Variants in CAMK2B observed in about 807,000 individuals in gnomAD.
The protein encoded by CAMK2B is calcium/calmodulin-dependent protein kinase type II subunit beta.
Under a neutral mutation model 93.7 loss-of-function variants are expected in CAMK2B, and 27 were observed. That is an observed-to-expected ratio of 0.29 (90% CI 0.21 to 0.40). The LOEUF is 0.40. CAMK2B is among the 10% of genes least tolerant of loss of function. The pLI is 1.00. For synonymous variants in CAMK2B, 374 were observed against 358.8 expected (o/e 1.04, Z -0.48); for missense variants, 568 against 895.8 (o/e 0.63, Z 4.67).
rs1283708169 is a variant in CAMK2B, at chr7:44,325,536, C to G, written c.-115G>C. On this transcript the variant is annotated 5_prime_UTR_variant, in exon 1 of 24. Coordinates refer to ENST00000395749, the MANE Select transcript of CAMK2B (RefSeq NM_001220.5). The stretch of plus-strand genomic sequence containing the variant: ...CGCGGGCGCGGGAGACACCTCGGCT[C>G]GCGGCGCCAGGCGGGGGCCGGGCTG... The G allele has an allele frequency of 2.1e-5, 11 of 514,198 alleles. No homozygotes were observed. The highest frequency in any genetic ancestry group is 2.0e-4 in the Admixed American group (3 of 15,264). The allele number at this position is 514,198 out of a possible 1,614,324, so 31.9% of individuals were successfully genotyped here.
chr7:44,277,500 C>A (rs73317752), intron 2 of CAMK2B, among the ~76,000 whole-genome samples: 3,524 of 152,298 alleles, frequency 0.023, 128 homozygotes, highest in African/African-American at 0.08. Flanking sequence ...ATGCTACCAG[C>A]CGCTTCTCAT....
At chr7:44,320,222 A>C (rs969136383) in intron 1 of CAMK2B, among the ~76,000 whole-genome samples, 1 of 152,182 alleles carries the variant, frequency 6.6e-6, no homozygotes, top group Non-Finnish European at 1.5e-5. Flanking sequence ...ACATCTTCAC[A>C]AAGGGGAACC....
chr7:44,256,459 C>A (rs2096834794), intron 4 of CAMK2B, among the ~76,000 whole-genome samples: 1 of 152,212 alleles, frequency 6.6e-6, no homozygotes, highest in South Asian at 2.1e-4. Context: ...AACTGTGTGC[C>A]TGTGTGTGCC....
chr7:44,245,125 C>G (rs62459103), intron 6 of CAMK2B: 1 of 367,120 alleles, frequency 2.7e-6, no homozygotes, highest in Non-Finnish European at 5.5e-6. Flanking sequence ...ACCAGCAGTT[C>G]TTCCGAAGAG....
At chr7:44,320,591 C>G (rs1469357636) in intron 1 of CAMK2B, among the ~76,000 whole-genome samples, 2 of 152,218 alleles carry the variant, frequency 1.3e-5, no homozygotes, top group African/African-American at 4.8e-5. Flanking sequence ...AAAGAAAAGT[C>G]CTGGTAGCAA....
intron 2 of CAMK2B, among the ~76,000 whole-genome samples, chr7:44,276,277 G>A (rs1210123949): frequency 6.6e-6 from 1 of 152,140 alleles, no homozygotes; most frequent in Non-Finnish European, 1.5e-5. Flanking sequence ...GCAATGCGGC[G>A]CCTTGTCCTC....
At chr7:44,300,030 G>C (rs1278251056) in intron 1 of CAMK2B, among the ~76,000 whole-genome samples, 1 of 150,952 alleles carries the variant, frequency 6.6e-6, no homozygotes, top group Non-Finnish European at 1.5e-5. Context: ...CTGTGTGTGT[G>C]TGTGTGTGTG....
chr7:44,299,840 A>C (rs780414562), intron 1 of CAMK2B, among the ~76,000 whole-genome samples: 26 of 152,232 alleles, frequency 1.7e-4, no homozygotes, highest in Admixed American at 7.2e-4. Flanking sequence ...AATGTTAGCC[A>C]TGATTATTTC....
rs190294355 is a variant in CAMK2B at position 44,297,200 on chromosome 7, C to A, written c.66-12975G>T. Among the ~76,000 whole-genome samples, 69 of 151,968 alleles carry A rather than the reference C, an allele frequency of 4.5e-4. No individual in the cohort carries two copies. In the East Asian group the frequency reaches 0.011, roughly 24 times the overall value. On this transcript the variant is annotated intron_variant, in intron 1 of 23. Transcript: ENST00000395749. ...GGTATTTGCATTACTTCACTACATG[C>A]GAAATGGTGTAGTGTTATTTGAGAG...
rs1295396023 is a variant in CAMK2B at position 44,226,604 on chromosome 7, G to T, written c.1509C>A (p.Gly503=). ...GGCCCTCGGCTTCTGGGGTCCCTGA[G>T]CCCCTCCTCACAGAGTTCAGGATGT... is the stretch of plus-strand genomic sequence containing the variant. ...ISDILNSVRR[G]SGTPEAEGPS... The change falls in exon 20 of 24, where the codon GGC becomes GGA. Residue 503 remains glycine (G), a synonymous_variant. Transcript: ENST00000395749. 1 of 1,523,214 alleles carries T rather than the reference G, an allele frequency of 6.6e-7. No individual in the cohort carries two copies. 94.4% of individuals were successfully genotyped at this position (1,523,214 alleles called of 1,614,324 possible). A position where few individuals can be genotyped will look rare whatever the true frequency, so the allele number is the denominator to read the frequency against.
At chr7:44,273,693 C>A (rs908322752) in intron 2 of CAMK2B, among the ~76,000 whole-genome samples, 6 of 152,324 alleles carry the variant, frequency 3.9e-5, no homozygotes, top group African/African-American at 4.8e-5. Context: ...CTGTCAGGGT[C>A]CTACTCTCAA....
chr7:44,240,505 CG>C (rs887497121), intron 12 of CAMK2B, among the ~76,000 whole-genome samples: 1 of 152,198 alleles, frequency 6.6e-6, no homozygotes, highest in African/African-American at 2.4e-5. Flanking sequence ...GTGATGGCCT[CG>C]GGGGGCTGGA....
chr7:44,285,280 C>T (rs1784740763), intron 1 of CAMK2B, among the ~76,000 whole-genome samples: 1 of 152,242 alleles, frequency 6.6e-6, no homozygotes, highest in African/African-American at 2.4e-5. Flanking sequence ...CAAGAAATGT[C>T]ACATGAAGGG....
intron 1 of CAMK2B, among the ~76,000 whole-genome samples, chr7:44,307,036 A>G (rs1330318495): frequency 0.015 from 266 of 17,542 alleles, no homozygotes; most frequent in Non-Finnish European, 0.016. Flanking sequence ...GTGAGCAGGG[A>G]GAGGAGGCGG....
chr7:44,271,823 T>C lies in CAMK2B; in HGVS notation c.161-8759A>G, dbSNP rs913090143. On this transcript the variant is annotated intron_variant, in intron 2 of 23. Coordinates refer to ENST00000395749, the MANE Select transcript of CAMK2B (RefSeq NM_001220.5). The surrounding 1 kb of genome is among the most constrained non-coding windows in gnomAD (Gnocchi z 4.2). Reference sequence around the variant, plus strand: ...CGGTTTAGGGGCTGAAAGGAGGCCATGGGCAGGTCCCGGCCATTCCTCCTA... The same window carrying C: ...CGGTTTAGGGGCTGAAAGGAGGCCACGGGCAGGTCCCGGCCATTCCTCCTA... Among the ~76,000 whole-genome samples the C allele has an allele frequency of 3.9e-5, 6 of 152,236 alleles. No homozygotes were observed. Among genetic ancestry groups the C allele is most frequent in the African/African-American group, 1.4e-4 (6 of 41,470 alleles).
At chr7:44,234,198 G>GCC (rs2096604434) in intron 15 of CAMK2B, among the ~76,000 whole-genome samples, 192 bp downstream of exon 15, 1 of 152,202 alleles carries the variant, frequency 6.6e-6, no homozygotes, top group African/African-American at 2.4e-5. Flanking sequence ...CTGAATTGGA[G>GCC]CCCCCCACAA....
chr7:44,320,220 A>C (rs1795755395), intron 1 of CAMK2B, among the ~76,000 whole-genome samples: 1 of 152,146 alleles, frequency 6.6e-6, no homozygotes, highest in Non-Finnish European at 1.5e-5. Flanking sequence ...TAACATCTTC[A>C]CAAAGGGGAA....
intron 20 of CAMK2B, among the ~76,000 whole-genome samples, chr7:44,222,473 T>A (rs2096421006): frequency 6.6e-6 from 1 of 151,934 alleles, no homozygotes; most frequent in Admixed American, 6.6e-5. Flanking sequence ...TCTCACTCTG[T>A]CACCCGGGCT....
At chr7:44,289,067 A>G (rs1785981046) in intron 1 of CAMK2B, among the ~76,000 whole-genome samples, 1 of 152,064 alleles carries the variant, frequency 6.6e-6, no homozygotes. Context: ...GCTCCACAAC[A>G]GACTGCTGGT....
Sources: gnomAD v4.1 joint callset for allele counts (sites outside exome capture counted in the v4.1 genomes callset) on GRCh38, gnomAD v4.1.1 for gene constraint, Gnocchi (gnomAD v3.1) non-coding constraint, MANE v1.5 for transcripts, NCBI Gene and HGNC (gene_info 2026-07-23, HGNC 2026-07-21) for gene names.